The following ZNF415 variants were observed in gnomAD, a reference collection of about 807,000 sequenced individuals.
The protein encoded by ZNF415 is zinc finger protein 415.
Under a neutral mutation model 7.3 loss-of-function variants are expected in ZNF415, and 5 were observed. The observed-to-expected ratio is 0.69, with a 90% CI of 0.36 to 1.44. The LOEUF is 1.44. ZNF415 is among the 40% of genes most tolerant of loss of function. ZNF415 has a pLI of 0.04. For synonymous variants in ZNF415, 207 were observed against 226.3 expected (o/e 0.91, Z 0.77); for missense variants, 628 against 664.8 (o/e 0.94, Z 0.61).
intron 2 of ZNF415, among the ~76,000 whole-genome samples, chr19:53,118,458 T>C (rs571788752): frequency 6.6e-6 from 1 of 152,200 alleles, no homozygotes; most frequent in Non-Finnish European, 1.5e-5. Flanking sequence ...CTAAGAGATA[T>C]TTACAGAACA....
At chr19:53,113,732 T>C (rs969723445) in intron 3 of ZNF415, among the ~76,000 whole-genome samples, 10 of 152,134 alleles carry the variant, frequency 6.6e-5, no homozygotes, top group Admixed American at 2.0e-4. Flanking sequence ...GTGTGAACAA[T>C]AGTTTAGTCA....
In ZNF415 at chr19:53,118,258, T is replaced by C. The variant is rs552378616; in HGVS notation, c.16-1825A>G. Among the ~76,000 whole-genome samples, 75 of 152,266 alleles carry C rather than the reference T, an allele frequency of 4.9e-4. No individual in the cohort carries two copies. In the South Asian group the frequency reaches 0.014, roughly 28 times the overall value. On this transcript the variant is annotated intron_variant, in intron 2 of 3. Transcript: ENST00000243643. ...AGAGATCAATTCAATAAGAGGAATA[T>C]AACAATTCTAAACATATATGCACCC... is the stretch of plus-strand genomic sequence containing the variant.
chr19:53,115,753 T>G, intron 3 of ZNF415: 1 of 1,550,540 alleles, frequency 6.4e-7, no homozygotes, highest in Non-Finnish European at 8.7e-7. Flanking sequence ...TTCTTGCTAC[T>G]CGTACTTGGC....
At chr19:53,110,978 A>G (rs1234314952) in intron 3 of ZNF415, among the ~76,000 whole-genome samples, 1 of 152,248 alleles carries the variant, frequency 6.6e-6, no homozygotes, top group Non-Finnish European at 1.5e-5. Flanking sequence ...AACTGAAATC[A>G]GAGAACACAA....
rs971499702 is a variant in ZNF415, at chr19:53,108,979, A to C, written c.1066T>G (p.Tyr356Asp). The change falls in exon 4 of 4, where the codon TAC (tyrosine) becomes GAC (aspartate). Residue 356 changes from tyrosine to aspartate, a missense_variant. Tyr to Asp is a radical substitution (Grantham distance 160, BLOSUM62 -3). Coordinates refer to ENST00000243643, the MANE Select transcript of ZNF415 (RefSeq NM_018355.4). The part of the protein sequence containing the change: ...HQVIHSGKKP[Y>D]KCNECGKVFS... ...ACCTTGCCACATTCATTGCATTTGT[A>C]AGGTTTCTTGCCACTATGAATTACC... 1.2e-6 allele frequency: 2 copies of C among 1,613,992 alleles called. No homozygotes were observed. The highest frequency in any genetic ancestry group is 2.7e-5 in the African/African-American group (2 of 74,900).
At chr19:53,127,188 AC>A (rs1160772312) in intron 1 of ZNF415, among the ~76,000 whole-genome samples, 1 of 148,280 alleles carries the variant, frequency 6.7e-6, no homozygotes, top group Non-Finnish European at 1.5e-5. Context: ...CCCACAACAA[AC>A]CCTCCCTAAT....
intron 1 of ZNF415, chr19:53,123,439 A>G: frequency 2.5e-6 from 1 of 396,172 alleles, no homozygotes; most frequent in Non-Finnish European, 4.4e-6. Context: ...AGTGGGTCAC[A>G]GAAGTCCCCG....
At chr19:53,120,545 A>C (rs2087832158) in intron 2 of ZNF415, among the ~76,000 whole-genome samples, 1 of 152,192 alleles carries the variant, frequency 6.6e-6, no homozygotes, top group South Asian at 2.1e-4. Flanking sequence ...ATATCTAAGC[A>C]CTAAATATCT....
rs765702783 is a variant in ZNF415, at chr19:53,109,735, C to T, written c.310G>A (p.Glu104Lys). The change falls in exon 4 of 4, where the codon GAA becomes AAA. Residue 104 changes from glutamate to lysine, a missense_variant. Coordinates refer to ENST00000243643, the MANE Select transcript of ZNF415 (RefSeq NM_018355.4). ...HDFDCQWRDD[E>K]RNCNKVTTAP... is the part of the protein sequence containing the mutation. ...GTAGTCACTTTGTTGCAATTTCTTT[C>T]ATCATCTCTCCACTGACAGTCAAAG... 3.7e-6 allele frequency: 6 copies of T among 1,613,818 alleles called. No homozygotes were observed. The Admixed American group carries it at 5.0e-5, about 13-fold the overall frequency.
At chr19:53,114,397 A>C (rs2086690633) in intron 3 of ZNF415, among the ~76,000 whole-genome samples, 1 of 152,054 alleles carries the variant, frequency 6.6e-6, no homozygotes, top group Admixed American at 6.6e-5. Flanking sequence ...TGAACTCCTG[A>C]CCTCAGGTGA....
At chr19:53,121,164 G>A (rs1467051400) in intron 2 of ZNF415, among the ~76,000 whole-genome samples, 2 of 150,856 alleles carry the variant, frequency 1.3e-5, no homozygotes, top group African/African-American at 2.4e-5. Flanking sequence ...GGGAGGCCGA[G>A]GCAGGCAGAT....
chr19:53,109,237 T>C lies in ZNF415; in HGVS notation c.808A>G (p.Lys270Glu), dbSNP rs150851211. 6,652 of 1,614,206 alleles carry C rather than the reference T, an allele frequency of 4.1e-3. 21 individuals are homozygous for C. Among genetic ancestry groups the C allele is most frequent in the Non-Finnish European group, 4.5e-3 (5,363 of 1,180,044 alleles). ...ARHWRVHTGEKPYKCNECDRS... is the reference protein window; with the variant it reads ...ARHWRVHTGEEPYKCNECDRS... ...TCACATTCATTACATTTGTATGGTTTCTCTCCAGTATGAACTCTCCAATGA... is the reference window on the plus strand; with the variant it reads ...TCACATTCATTACATTTGTATGGTTCCTCTCCAGTATGAACTCTCCAATGA... The change falls in exon 4 of 4, where the codon AAA becomes GAA. Residue 270 changes from lysine (K) to glutamate (E), a missense_variant. By Grantham distance (56) the Lys-to-Glu change is moderately conservative. Transcript: ENST00000243643.
At chr19:53,116,591 C>T (rs1444939858) in intron 2 of ZNF415, among the ~76,000 whole-genome samples, 158 bp from the exon 3 acceptor site, 1 of 147,138 alleles carries the variant, frequency 6.8e-6, no homozygotes, top group East Asian at 2.0e-4. Context: ...ATATCTCTCC[C>T]TAATTGTGGT....
intron 3 of ZNF415, among the ~76,000 whole-genome samples, chr19:53,112,224 G>A (rs752532014): frequency 6.6e-6 from 1 of 152,184 alleles, no homozygotes; most frequent in African/African-American, 2.4e-5. Context: ...GATTACAGGC[G>A]TGAGCAACCA....
chr19:53,119,895 G>A (rs1601171118), intron 2 of ZNF415, among the ~76,000 whole-genome samples: 1 of 151,920 alleles, frequency 6.6e-6, no homozygotes, highest in African/African-American at 2.4e-5. Flanking sequence ...ATTTAATCAG[G>A]AATAAAAAGT....
chr19:53,113,146 A>AT (rs140761212), intron 3 of ZNF415, among the ~76,000 whole-genome samples: 11,819 of 145,242 alleles, frequency 0.081, 712 homozygotes, highest in African/African-American at 0.14. Context: ...AAAGATGTTC[A>AT]TTTATACCAC....
At chr19:53,132,369 C>A (rs1170593886) in intron 1 of ZNF415, among the ~76,000 whole-genome samples, 2 of 152,096 alleles carry the variant, frequency 1.3e-5, no homozygotes, top group African/African-American at 4.8e-5. Context: ...GAGCACCTCC[C>A]CAGCGCGGGC....
chr19:53,130,896 G>A (rs552829145), intron 1 of ZNF415, among the ~76,000 whole-genome samples: 6 of 151,888 alleles, frequency 4.0e-5, no homozygotes, highest in South Asian at 2.1e-4. Context: ...CACCCACCTC[G>A]GCCTCCCAAA....
At chr19:53,113,639 C>T (rs149683157) in intron 3 of ZNF415, among the ~76,000 whole-genome samples, 1 of 151,676 alleles carries the variant, frequency 6.6e-6, no homozygotes, top group African/African-American at 2.4e-5. Context: ...TTTGAACCTA[C>T]AACAAATTGA....
Sources: allele counts gnomAD v4.1 joint callset (sites outside exome capture counted in the v4.1 genomes callset), GRCh38; gene constraint gnomAD v4.1.1; transcripts MANE v1.5; gene names NCBI Gene and HGNC (gene_info 2026-07-23, HGNC 2026-07-21).